Variants in SCARF1 observed in about 807,000 individuals in gnomAD.
SCARF1 encodes scavenger receptor class F member 1.
SCARF1 carries 49 observed loss-of-function variants against 76.3 expected under a neutral mutation model. The observed-to-expected ratio is 0.64, with a 90% CI of 0.51 to 0.81. The LOEUF (loss-of-function observed/expected upper bound fraction) is 0.81. Ranked by LOEUF, SCARF1 falls within the 40% of genes least tolerant of loss-of-function variation. The pLI, the probability that SCARF1 is intolerant of heterozygous loss-of-function variation, is 0.00. For missense variants in SCARF1, 1,098 were observed against 1,143.9 expected, an observed-to-expected ratio of 0.96 and a Z score of 0.58; for synonymous variants, 495 against 474.6, an observed-to-expected ratio of 1.04 and a Z score of -0.56.
Position 1,643,698 on chromosome 17 carries a change from A to C in SCARF1, c.535T>G (p.Cys179Gly). 1 of 1,440,950 alleles carries C rather than the reference A, an allele frequency of 6.9e-7. No homozygotes were observed. The highest frequency in any genetic ancestry group is 1.4e-5 in the South Asian group (1 of 73,268). The allele number at this position is 1,440,950 out of a possible 1,614,324, so 89.3% of individuals were successfully genotyped here. A position where few individuals can be genotyped will look rare whatever the true frequency, so the allele number is the denominator to read the frequency against. Residue 179 changes from cysteine to glycine, a missense_variant, in exon 4 of 11, where the codon TGC becomes GGC. Transcript: ENST00000263071. ...AARCEQATGA[C>G]VCKPGWWGRR... is the part of the protein sequence containing the mutation. The stretch of plus-strand genomic sequence containing the variant: ...CCCCACCAGCCCGGCTTGCACACGC[A>C]GGCGCCCGTGGCCTGCTCGCAGCGC...
rs200063321 is a variant in SCARF1 at position 1,635,485 on chromosome 17, G to A, written c.1766C>T (p.Ser589Leu). 119 of 1,613,994 alleles carry A rather than the reference G, an allele frequency of 7.4e-5. No individual in the cohort carries two copies. Among genetic ancestry groups the A allele is most frequent in the Non-Finnish European group, 9.4e-5 (111 of 1,179,960 alleles). Reference protein sequence around the residue: ...TSSLARAKRPSVSFAEGTKFA... With the variant: ...TSSLARAKRPLVSFAEGTKFA... ...CTTGGTACCTTCCGCGAAGGAGACCGATGGCCGCTTGGCCCGAGCTAGGCT... is the reference window on the plus strand; with the variant it reads ...CTTGGTACCTTCCGCGAAGGAGACCAATGGCCGCTTGGCCCGAGCTAGGCT... Residue 589 changes from serine (S) to leucine (L), a missense_variant, in exon 11 of 11, where the codon TCG becomes TTG. Physicochemically the swap from Ser to Leu is moderately radical, Grantham distance 145. Coordinates refer to ENST00000263071, the MANE Select transcript of SCARF1 (RefSeq NM_003693.4).
In SCARF1 at chr17:1,645,324, T is replaced by A. The variant is rs1165086559; in HGVS notation, c.102-85A>T. 6.6e-6 allele frequency: 10 copies of A among 1,526,706 alleles called. No homozygotes were observed. In the East Asian group the frequency reaches 2.3e-4, roughly 35 times the overall value. The allele number at this position is 1,526,706 out of a possible 1,614,324, so 94.6% of individuals were successfully genotyped here. On this transcript the variant is annotated intron_variant, in intron 1 of 10. Coordinates refer to ENST00000263071, the MANE Select transcript of SCARF1 (RefSeq NM_003693.4). The surrounding 1 kb of genome is among the most constrained non-coding windows in gnomAD (Gnocchi z 6.3). The stretch of plus-strand genomic sequence containing the variant: ...GGTGGATCACTGTCTCTGGCTGCAG[T>A]GGGGGAGGCTGCCTTAGCCCCCTGG...
chr17:1,638,897 C>T lies in SCARF1; in HGVS notation c.1273G>A (p.Ala425Thr), dbSNP rs746392054. Residue 425 changes from alanine to threonine, a missense_variant, in exon 8 of 11, where the codon GCG becomes ACG. Physicochemically the swap from Ala to Thr is moderately conservative, Grantham distance 58 (BLOSUM62 0). Transcript: ENST00000263071. The stretch of plus-strand genomic sequence containing the variant: ...AGCAGCAGAGGCACAAGGCTGCCCG[C>T]GATGAGGGCAGTGTCCCGACTGCCA... Reference protein sequence around the residue: ...GSGSRDTALIAGSLVPLLLLF... With the variant: ...GSGSRDTALITGSLVPLLLLF... The T allele has an allele frequency of 3.2e-5, 51 of 1,607,226 alleles. No homozygotes were observed. The East Asian group carries it at 9.0e-4, about 28-fold the overall frequency.
chr17:1,640,632 G>C lies in SCARF1; in HGVS notation c.826C>G (p.Pro276Ala). ...CAGGACTCACAGCTGCCTGTGTCTG[G>C]AGAGCACGGCTCATTGTGTTTGCAG... Reference protein sequence around the residue: ...GRCKHNEPCSPDTGSCESCEP... With the variant: ...GRCKHNEPCSADTGSCESCEP... The change falls in exon 5 of 11, where the codon CCA becomes GCA. Residue 276 changes from proline (P) to alanine (A), a missense_variant. By Grantham distance (27) the Pro-to-Ala change is conservative. Transcript: ENST00000263071. This position sits in a 1 kb window ranked among gnomAD's most constrained non-coding sequence, Gnocchi z 4.7. The C allele has an allele frequency of 6.2e-7, 1 of 1,612,730 alleles. No homozygotes were observed. The highest frequency in any genetic ancestry group is 8.5e-7 in the Non-Finnish European group (1 of 1,179,752).
In SCARF1 at chr17:1,645,617, C is replaced by CA. The variant is rs1910476113; in HGVS notation, c.80_81insT (p.Gln27HisfsTer12). 3 of 1,607,758 alleles carry CA rather than the reference C, an allele frequency of 1.9e-6. No individual in the cohort carries two copies. The highest frequency in any genetic ancestry group is 2.5e-6 in the Non-Finnish European group (3 of 1,179,176). ...CCCACCTGCTGGCCACACAGACGTG[C>CA]TGCCCTTTGGGGTCCAGCTCGGACC... On this transcript the variant is annotated frameshift_variant, in exon 1 of 11. Coordinates refer to ENST00000263071, the MANE Select transcript of SCARF1 (RefSeq NM_003693.4). LOFTEE classifies it high-confidence loss of function. This position sits in a 1 kb window ranked among gnomAD's most constrained non-coding sequence, Gnocchi z 6.3.
In SCARF1 at chr17:1,645,585, C is replaced by A; in HGVS notation, c.101+12G>T. 2 of 1,601,864 alleles carry A rather than the reference C, an allele frequency of 1.2e-6. No individual in the cohort carries two copies. Among genetic ancestry groups the A allele is most frequent in the Non-Finnish European group, 1.7e-6 (2 of 1,177,484 alleles). On this transcript the variant is annotated intron_variant, in intron 1 of 10. Transcript: ENST00000263071. The surrounding 1 kb of genome is among the most constrained non-coding windows in gnomAD (Gnocchi z 6.3). Reference sequence around the variant, plus strand: ...CTGCTGGCCACACGCATCAGACTCCCACGAGACCCACCTGCTGGCCACACA... The same window carrying A: ...CTGCTGGCCACACGCATCAGACTCCAACGAGACCCACCTGCTGGCCACACA...
Position 1,635,092 on chromosome 17 carries a change from G to C in SCARF1, c.2159C>G (p.Ala720Gly), listed in dbSNP as rs144425748. The change falls in exon 11 of 11, where the codon GCG (alanine) becomes GGG (glycine). Residue 720 changes from alanine to glycine, a missense_variant. By Grantham distance (60) the Ala-to-Gly change is moderately conservative. Coordinates refer to ENST00000263071, the MANE Select transcript of SCARF1 (RefSeq NM_003693.4). ...GATGGCCCTCTTGACCTTGGCTTCCGCCTGGCCTTTCTGGAAGCTACCAAA... is the reference window on the plus strand; with the variant it reads ...GATGGCCCTCTTGACCTTGGCTTCCCCCTGGCCTTTCTGGAAGCTACCAAA... ...RHFGSFQKGQ[A>G]EAKVKRAIPK... is the part of the protein sequence containing the mutation. 1.2e-6 allele frequency: 2 copies of C among 1,613,756 alleles called. No individual in the cohort carries two copies. Among genetic ancestry groups the C allele is most frequent in the African/African-American group, 2.7e-5 (2 of 74,952 alleles).
chr17:1,636,899 G>A (rs745721150), intron 9 of SCARF1, 42 bp downstream of exon 9: 2 of 1,613,980 alleles, frequency 1.2e-6, no homozygotes, highest in South Asian at 2.2e-5. Flanking sequence ...CTGATGCAAA[G>A]CCCTGTCCAA....
Position 1,640,128 on chromosome 17 carries a change from G to T in SCARF1, c.1011-88C>A, listed in dbSNP as rs953492024. On this transcript the variant is annotated intron_variant, in intron 5 of 10. Coordinates refer to ENST00000263071, the MANE Select transcript of SCARF1 (RefSeq NM_003693.4). The surrounding 1 kb of genome is among the most constrained non-coding windows in gnomAD (Gnocchi z 4.7). ...CCCACCCCTCCGCCCCACGCTCCTG[G>T]ACTCAAGGACCCAACTGGCCACTCC... 5 of 1,490,804 alleles carry T rather than the reference G, an allele frequency of 3.4e-6. No individual in the cohort carries two copies. Among genetic ancestry groups the T allele is most frequent in the Non-Finnish European group, 3.6e-6 (4 of 1,102,794 alleles). The allele number at this position is 1,490,804 out of a possible 1,614,324, so 92.3% of individuals were successfully genotyped here. A position where few individuals can be genotyped will look rare whatever the true frequency, so the allele number is the denominator to read the frequency against.
At chr17:1,639,472 T>C (rs1036885867) in intron 7 of SCARF1, among the ~76,000 whole-genome samples, 167 bp downstream of exon 7, 1 of 148,072 alleles carries the variant, frequency 6.8e-6, no homozygotes, top group Non-Finnish European at 1.5e-5. Context: ...ACCACTGCAC[T>C]CTGGCCTGGG....
rs1291541706 is a variant in SCARF1, at chr17:1,635,018, G to C, written c.2233C>G (p.Leu745Val). The C allele has an allele frequency of 1.2e-6, 2 of 1,613,890 alleles. No homozygotes were observed. The highest frequency in any genetic ancestry group is 2.2e-5 in the East Asian group (1 of 44,884). Residue 745 changes from leucine (L) to valine (V), a missense_variant, in exon 11 of 11, where the codon CTT (leucine) becomes GTT (valine). Leu to Val is a conservative substitution (Grantham distance 32). Coordinates refer to ENST00000263071, the MANE Select transcript of SCARF1 (RefSeq NM_003693.4). ...CTCTGGCCGACAGAGCCAGAGGCAAGGCCAGGGCTGCCCTTTTTCCGATTC... is the reference window on the plus strand; with the variant it reads ...CTCTGGCCGACAGAGCCAGAGGCAACGCCAGGGCTGCCCTTTTTCCGATTC... ...ALNRKKGSPG[L>V]ASGSVGQSPN...
At position 1,638,925 on chromosome 17, in the gene SCARF1, G is replaced by T; in HGVS notation, c.1245C>A (p.Gly415=). 1 of 1,584,440 alleles carries T rather than the reference G, an allele frequency of 6.3e-7. No homozygotes were observed. ...TGAGGGCAGTGTCCCGACTGCCAGAGCCTGGGGGAGCCAGAAACGGGGGAT... is the reference window on the plus strand; with the variant it reads ...TGAGGGCAGTGTCCCGACTGCCAGATCCTGGGGGAGCCAGAAACGGGGGAT... ...CHPVSGSCQP[G]SGSRDTALIA... The change falls in exon 8 of 11, where the codon GGC becomes GGA. Residue 415 remains glycine (G), a splice_region_variant and synonymous_variant. Coordinates refer to ENST00000263071, the MANE Select transcript of SCARF1 (RefSeq NM_003693.4).
rs752917614 is a variant in SCARF1, at chr17:1,638,791, C to T, written c.1364+15G>A. ...TGGCCTGAGCTGTGTGGGGAAGGGA[C>T]GGGCTGGCGTTCACCTGTCCTTGAG... On this transcript the variant is annotated intron_variant, in intron 8 of 10. Transcript: ENST00000263071. The T allele has an allele frequency of 1.7e-5, 27 of 1,596,370 alleles. No individual in the cohort carries two copies. The highest frequency in any genetic ancestry group is 4.5e-5 in the East Asian group (2 of 44,316).
chr17:1,642,156 A>T (rs537986177), intron 4 of SCARF1, among the ~76,000 whole-genome samples: 13 of 150,798 alleles, frequency 8.6e-5, no homozygotes, highest in Non-Finnish European at 1.8e-4. Flanking sequence ...CCATTTTTTT[A>T]ATTTTCTTTT....
chr17:1,639,601 C>T, intron 7 of SCARF1, 38 bp downstream of exon 7: 1 of 1,470,842 alleles, frequency 6.8e-7, no homozygotes, highest in Non-Finnish European at 9.3e-7. Flanking sequence ...GCCCGCCTTT[C>T]CCTGGCTACT....
Position 1,644,920 on chromosome 17 carries a change from G to A in SCARF1, c.179C>T (p.Pro60Leu), listed in dbSNP as rs772819223. Reference sequence around the variant, plus strand: ...CACCTCGTCTTTCTGGCAGGCGTCCGGCCCCTCACAGATGGCTGAAAGACA... The same window carrying A: ...CACCTCGTCTTTCTGGCAGGCGTCCAGCCCCTCACAGATGGCTGAAAGACA... ...QECTIPICEG[P>L]DACQKDEVCV... Residue 60 changes from proline (P) to leucine (L), a missense_variant, in exon 3 of 11, where the codon CCG (proline) becomes CTG (leucine). Transcript: ENST00000263071. This position sits in a 1 kb window ranked among gnomAD's most constrained non-coding sequence, Gnocchi z 4.8. 37 of 1,613,036 alleles carry A rather than the reference G, an allele frequency of 2.3e-5. No homozygotes were observed. Among genetic ancestry groups the A allele is most frequent in the South Asian group, 1.2e-4 (11 of 91,024 alleles).
rs533141188 is a variant in SCARF1 at position 1,635,467 on chromosome 17, C to T, written c.1784G>A (p.Gly595Asp). The change falls in exon 11 of 11, where the codon GGT (glycine) becomes GAT (aspartate). Residue 595 changes from glycine (G) to aspartate (D), a missense_variant. Coordinates refer to ENST00000263071, the MANE Select transcript of SCARF1 (RefSeq NM_003693.4). ...GCGACTCTGTGGTGCAAACTTGGTA[C>T]CTTCCGCGAAGGAGACCGATGGCCG... ...AKRPSVSFAE[G>D]TKFAPQSRRS... 14 of 1,613,978 alleles carry T rather than the reference C, an allele frequency of 8.7e-6. No individual in the cohort carries two copies. The highest frequency in any genetic ancestry group is 1.2e-5 in the Non-Finnish European group (14 of 1,179,988).
At position 1,643,633 on chromosome 17, in the gene SCARF1, C is replaced by G. The variant is rs1050260059; in HGVS notation, c.600G>C (p.Pro200=). Residue 200 remains proline (P), a synonymous_variant, in exon 4 of 11, where the codon CCG becomes CCC. Coordinates refer to ENST00000263071, the MANE Select transcript of SCARF1 (RefSeq NM_003693.4). ...CSFRCNCHGS[P]CEQDSGRCAC... ...CGCAGCGGCCGGAGTCCTGCTCGCA[C>G]GGGGAGCCGTGGCAGTTGCAGCGGA... is the stretch of plus-strand genomic sequence containing the variant. 2.5e-5 allele frequency: 37 copies of G among 1,462,132 alleles called. No homozygotes were observed. The African/African-American group carries it at 5.1e-4, about 20-fold the overall frequency. The allele number at this position is 1,462,132 out of a possible 1,614,324, so 90.6% of individuals were successfully genotyped here.
intron 7 of SCARF1, 149 bp from the exon 8 acceptor site, chr17:1,639,075 G>GGGGCAAGAACCTGTGGA: frequency 1.3e-6 from 1 of 799,462 alleles, no homozygotes; most frequent in Non-Finnish European, 1.9e-6. Context: ...CCCCTCCACA[G>GGGGCAAGAACCTGTGGA]GTTCTTGCCC....
Sources: allele counts gnomAD v4.1 joint callset (sites outside exome capture counted in the v4.1 genomes callset), GRCh38; gene constraint gnomAD v4.1.1; non-coding constraint Gnocchi (gnomAD v3.1); transcripts MANE v1.5; gene names NCBI Gene and HGNC (gene_info 2026-07-23, HGNC 2026-07-21).